The following DIAPH2 variants were observed in gnomAD, a reference collection of about 807,000 sequenced individuals.
DIAPH2 encodes diaphanous related formin 2.
In DIAPH2, 35 loss-of-function variants were observed where a neutral mutation model predicts 92.7. The observed-to-expected ratio is 0.38, with a 90% CI of 0.29 to 0.50. The LOEUF (loss-of-function observed/expected upper bound fraction) is 0.50. Ranked by LOEUF, DIAPH2 falls within the 20% of genes least tolerant of loss-of-function variation. DIAPH2 has a pLI of 0.94. For missense variants in DIAPH2, 701 were observed against 819.5 expected, an observed-to-expected ratio of 0.86 and a Z score of 1.77; for synonymous variants, 301 against 280.4, an observed-to-expected ratio of 1.07 and a Z score of -0.73.
intron 4 of DIAPH2, among the ~76,000 whole-genome samples, chrX:96,803,733 C>T (rs1447370693): frequency 8.9e-6 from 1 of 112,266 alleles, no homozygotes; most frequent in African/African-American, 3.2e-5. Flanking sequence ...ACCTACTACC[C>T]ATTCTTTCAT....
chrX:97,082,512 G>A (rs965450895), intron 19 of DIAPH2, among the ~76,000 whole-genome samples: 15 of 108,942 alleles, frequency 1.4e-4, no homozygotes, highest in Admixed American at 9.8e-4. Context: ...CACGCCTATA[G>A]TACCAGCTAC....
At chrX:97,252,946 T>C (rs926362541) in intron 23 of DIAPH2, among the ~76,000 whole-genome samples, 20 of 111,009 alleles carry the variant, frequency 1.8e-4, no homozygotes, top group Non-Finnish European at 3.2e-4. Context: ...AAGGGGGCAT[T>C]GTCAGTAATA....
At chrX:97,032,929 C>T (rs1218892829) in intron 17 of DIAPH2, among the ~76,000 whole-genome samples, 1 of 111,167 alleles carries the variant, frequency 9.0e-6, no homozygotes, top group Non-Finnish European at 1.9e-5. Flanking sequence ...GTTTACTTCA[C>T]ACAACCATTT....
chrX:97,118,800 A>G (rs2067033745), intron 21 of DIAPH2, among the ~76,000 whole-genome samples: 1 of 112,286 alleles, frequency 8.9e-6, no homozygotes, highest in African/African-American at 3.2e-5. Context: ...TTAAGAATCT[A>G]TAACTTTACA....
chrX:97,548,177 C>CTATT (rs1309136044), intron 26 of DIAPH2, among the ~76,000 whole-genome samples: 1 of 112,176 alleles, frequency 8.9e-6, no homozygotes, highest in Admixed American at 9.4e-5. Context: ...GTCAAATTCC[C>CTATT]TATTCATTCA....
chrX:97,095,255 T>TA (rs1245641395), intron 19 of DIAPH2, among the ~76,000 whole-genome samples: 1 of 104,729 alleles, frequency 9.5e-6, no homozygotes, highest in Non-Finnish European at 1.9e-5. Flanking sequence ...TAGCTGGGAC[T>TA]ACAGGTGCCC....
intron 23 of DIAPH2, among the ~76,000 whole-genome samples, chrX:97,275,454 G>A (rs1390472935): frequency 1.4e-4 from 14 of 102,018 alleles, no homozygotes; most frequent in East Asian, 6.5e-4. Flanking sequence ...GGCGGCTGCC[G>A]GGCGGAGACG....
chrX:97,151,503 C>CTTTTTT (rs56235596), intron 22 of DIAPH2, among the ~76,000 whole-genome samples: 1 of 101,576 alleles, frequency 9.8e-6, no homozygotes, highest in Non-Finnish European at 2.0e-5. Context: ...ATCCAAACAC[C>CTTTTTT]TTTTTTTTTT....
intron 1 of DIAPH2, among the ~76,000 whole-genome samples, chrX:96,689,476 A>G (rs886853588): frequency 3.7e-5 from 4 of 109,000 alleles, no homozygotes; most frequent in Non-Finnish European, 7.6e-5. Context: ...GGAGACCTGG[A>G]TTCCAGTTGC....
At chrX:97,584,188 T>A (rs1449084902) in intron 26 of DIAPH2, among the ~76,000 whole-genome samples, 3 of 112,198 alleles carry the variant, frequency 2.7e-5, no homozygotes, top group Non-Finnish European at 3.8e-5. Context: ...TCGGCCATCT[T>A]CGAGAAGACT....
chrX:96,929,779 C>T (rs986803406), intron 9 of DIAPH2, among the ~76,000 whole-genome samples: 2 of 109,386 alleles, frequency 1.8e-5, no homozygotes, highest in African/African-American at 3.3e-5. Flanking sequence ...TGTAGTTTGC[C>T]CTTTGAGCAC....
chrX:96,715,871 A>G (rs1377098900), intron 1 of DIAPH2, among the ~76,000 whole-genome samples: 2 of 108,838 alleles, frequency 1.8e-5, no homozygotes, highest in African/African-American at 3.3e-5. Flanking sequence ...AATAAGATGC[A>G]TTTGTTGTCT....
intron 1 of DIAPH2, among the ~76,000 whole-genome samples, chrX:96,724,601 T>G (rs2064009886): frequency 9.0e-6 from 1 of 111,685 alleles, no homozygotes; most frequent in Non-Finnish European, 1.9e-5. Context: ...GTTTGAAGCC[T>G]TTGTTGGCAT....
chrX:97,551,677 T>C (rs2071221098), intron 26 of DIAPH2, among the ~76,000 whole-genome samples: 2 of 111,129 alleles, frequency 1.8e-5, no homozygotes, highest in African/African-American at 6.5e-5. Context: ...AAAGCAGGAA[T>C]GTTATAATTG....
intron 23 of DIAPH2, among the ~76,000 whole-genome samples, chrX:97,320,155 T>C (rs888911411): frequency 9.3e-6 from 1 of 107,521 alleles, no homozygotes. Context: ...TATTAAATAA[T>C]AATAATATTA....
chrX:97,486,252 T>C (rs967186466), intron 26 of DIAPH2, among the ~76,000 whole-genome samples: 1 of 111,529 alleles, frequency 9.0e-6, no homozygotes, highest in Non-Finnish European at 1.9e-5. Flanking sequence ...TACTGGAAAA[T>C]AGCATTTGAA....
chrX:96,721,574 T>C (rs1372666487), intron 1 of DIAPH2, among the ~76,000 whole-genome samples: 1 of 112,395 alleles, frequency 8.9e-6, no homozygotes, highest in Non-Finnish European at 1.9e-5. Flanking sequence ...TAGCCCTTGC[T>C]CAAATTCTGA....
intron 17 of DIAPH2, among the ~76,000 whole-genome samples, chrX:97,035,559 T>A (rs1046034447): frequency 5.4e-5 from 6 of 111,712 alleles, no homozygotes; most frequent in Admixed American, 9.5e-5. Flanking sequence ...TACAAGATAT[T>A]GAGTGTCAGT....
intron 22 of DIAPH2, among the ~76,000 whole-genome samples, chrX:97,203,430 C>G (rs902323977): frequency 9.0e-6 from 1 of 110,625 alleles, no homozygotes; most frequent in African/African-American, 3.3e-5. Context: ...GCTAGCCAGA[C>G]TAATAAAGAA....
Sources: allele counts gnomAD v4.1 joint callset (sites outside exome capture counted in the v4.1 genomes callset), GRCh38; gene constraint gnomAD v4.1.1; transcripts MANE v1.5; gene names NCBI Gene and HGNC (gene_info 2026-07-23, HGNC 2026-07-21).